Variants in ASTN1 observed in about 807,000 individuals in gnomAD.
ASTN1 encodes the protein astrotactin 1.
ASTN1 carries 41 observed loss-of-function variants against 140.7 expected under a neutral mutation model. That is an observed-to-expected ratio of 0.29 (90% confidence interval 0.23 to 0.38). The LOEUF is 0.38. Among genes scored for constraint, ASTN1 ranks in the 10% least tolerant of loss-of-function variants. The pLI is 1.00. For synonymous variants in ASTN1, 640 were observed against 652.2 expected (o/e 0.98, Z 0.29); for missense variants, 1,479 against 1,678.8 (o/e 0.88, Z 2.08).
chr1:176,943,575 T>C (rs1422849914), intron 14 of ASTN1, among the ~76,000 whole-genome samples: 1 of 152,154 alleles, frequency 6.6e-6, no homozygotes, highest in African/African-American at 2.4e-5. Flanking sequence ...TCTCTCTGCC[T>C]CTGTGACCTG....
chr1:177,154,113 T>G (rs1434877887), intron 1 of ASTN1, among the ~76,000 whole-genome samples: 1 of 152,118 alleles, frequency 6.6e-6, no homozygotes, highest in Non-Finnish European at 1.5e-5. Flanking sequence ...CAAAAGTCCT[T>G]GAGGAAATAT....
chr1:176,866,058 C>T (rs778797655), intron 22 of ASTN1, among the ~76,000 whole-genome samples: 3 of 152,176 alleles, frequency 2.0e-5, no homozygotes, highest in Admixed American at 2.0e-4. Flanking sequence ...TATCACAATT[C>T]CTTCCAGAAA....
chr1:177,127,168 C>A (rs1224580510), intron 1 of ASTN1, among the ~76,000 whole-genome samples: 4 of 151,680 alleles, frequency 2.6e-5, no homozygotes, highest in Admixed American at 2.6e-4. Context: ...AATTATTCTT[C>A]AATTCTCTCA....
At chr1:177,099,298 CAATACATA>C (rs1680192216) in intron 1 of ASTN1, among the ~76,000 whole-genome samples, 1 of 152,020 alleles carries the variant, frequency 6.6e-6, no homozygotes, top group Non-Finnish European at 1.5e-5. Flanking sequence ...ACAAATACAT[CAATACATA>C]ATCTTTTTTA....
intron 8 of ASTN1, among the ~76,000 whole-genome samples, chr1:177,006,443 A>C (rs1029099178): frequency 2.0e-5 from 3 of 152,102 alleles, no homozygotes; most frequent in Admixed American, 6.6e-5. Context: ...CTCCAAAGCC[A>C]GGAAAAATAA....
chr1:177,057,709 T>C (rs1677880879), intron 2 of ASTN1, among the ~76,000 whole-genome samples: 2 of 149,452 alleles, frequency 1.3e-5, no homozygotes, highest in Admixed American at 1.3e-4. Context: ...TCAATATTGA[T>C]CATTAGAGTT....
At chr1:177,002,254 T>C (rs1271249858) in intron 8 of ASTN1, among the ~76,000 whole-genome samples, 1 of 152,096 alleles carries the variant, frequency 6.6e-6, no homozygotes, top group Non-Finnish European at 1.5e-5. Flanking sequence ...CCCCAATTGT[T>C]GAAGTTCATT....
At chr1:176,913,396 C>A (rs1033700572) in intron 16 of ASTN1, among the ~76,000 whole-genome samples, 1 of 152,164 alleles carries the variant, frequency 6.6e-6, no homozygotes, top group Non-Finnish European at 1.5e-5. Flanking sequence ...AGTCAGTGCA[C>A]GTCCATGAAT....
intron 1 of ASTN1, among the ~76,000 whole-genome samples, chr1:177,127,670 G>A (rs917682642): frequency 1.3e-5 from 2 of 152,198 alleles, no homozygotes; most frequent in African/African-American, 4.8e-5. Context: ...CCTGGGTATT[G>A]CCGATACTTG....
chr1:176,958,089 T>C (rs1368576253), intron 10 of ASTN1, among the ~76,000 whole-genome samples: 1 of 152,192 alleles, frequency 6.6e-6, no homozygotes, highest in Non-Finnish European at 1.5e-5. Flanking sequence ...TTATTGCTTG[T>C]CAGTCCTTAG....
intron 16 of ASTN1, among the ~76,000 whole-genome samples, chr1:176,930,559 G>T (rs1039536267): frequency 1.3e-5 from 2 of 152,264 alleles, no homozygotes; most frequent in Admixed American, 1.3e-4. Flanking sequence ...TTTATGAAAA[G>T]AATCTGGACA....
intron 1 of ASTN1, among the ~76,000 whole-genome samples, chr1:177,146,010 G>A (rs1682705962): frequency 6.6e-6 from 1 of 151,884 alleles, no homozygotes; most frequent in Non-Finnish European, 1.5e-5. Flanking sequence ...TTTGAAGCCA[G>A]AACTAAGAAA....
At chr1:177,124,504 C>T (rs1000006158) in intron 1 of ASTN1, among the ~76,000 whole-genome samples, 3 of 152,100 alleles carry the variant, frequency 2.0e-5, no homozygotes, top group South Asian at 2.1e-4. Context: ...AGCTTCATGG[C>T]GCTTTGGCTA....
rs563406419 is a variant in ASTN1 at position 176,862,844 on chromosome 1, C to A, written c.*1440G>T. On this transcript the variant is annotated 3_prime_UTR_variant, in exon 23 of 23. Coordinates refer to ENST00000361833, the MANE Select transcript of ASTN1 (RefSeq NM_004319.3). ...TCACTACTACTATTTAGAAAAAAAA[C>A]CAATATAGCTCAATGACTAGCCTTA... is the stretch of plus-strand genomic sequence containing the variant. 1.8e-4 allele frequency: 180 copies of A among 985,398 alleles called. No individual in the cohort carries two copies. The African/African-American group carries it at 2.5e-3, about 14-fold the overall frequency. The allele number at this position is 985,398 out of a possible 1,614,324, so 61.0% of individuals were successfully genotyped here. A position where few individuals can be genotyped will look rare whatever the true frequency, so the allele number is the denominator to read the frequency against.
chr1:176,900,811 C>T (rs1044326366), intron 16 of ASTN1, among the ~76,000 whole-genome samples: 1 of 152,178 alleles, frequency 6.6e-6, no homozygotes, highest in Admixed American at 6.5e-5. Flanking sequence ...TACTTATTCT[C>T]TCAATGCCTG....
intron 7 of ASTN1, among the ~76,000 whole-genome samples, chr1:177,018,437 G>A (rs147206017): frequency 1.4e-3 from 207 of 152,338 alleles, no homozygotes; most frequent in African/African-American, 4.7e-3. Flanking sequence ...GAGGGCAGCT[G>A]GTTTGAGTCT....
intron 21 of ASTN1, among the ~76,000 whole-genome samples, chr1:176,874,739 T>C (rs1412820656): frequency 2.0e-5 from 3 of 152,192 alleles, no homozygotes; most frequent in African/African-American, 7.2e-5. Flanking sequence ...TTTTTTTCTA[T>C]TTTAAATTAA....
intron 15 of ASTN1, among the ~76,000 whole-genome samples, chr1:176,935,531 T>A (rs548994935): frequency 1.1e-4 from 16 of 152,338 alleles, no homozygotes; most frequent in African/African-American, 3.8e-4. Flanking sequence ...GAAAATGTGC[T>A]ATATCCTCAA....
At position 176,946,080 on chromosome 1, in the gene ASTN1, A is replaced by G; in HGVS notation, c.2095T>C (p.Cys699Arg). The stretch of plus-strand genomic sequence containing the variant: ...GGACAGGTCTCCGTGATGAGTTGGC[A>G]AGAGCGTCCATCCACACCAAGCTTG... ...DYKLGVDGRS[C>R]QLITETCPEG... The change falls in exon 13 of 23, where the codon TGC becomes CGC. Residue 699 changes from cysteine to arginine, a missense_variant. Physicochemically the swap from Cys to Arg is radical, Grantham distance 180 (BLOSUM62 -3). Coordinates refer to ENST00000361833, the MANE Select transcript of ASTN1 (RefSeq NM_004319.3). 1 of 1,613,584 alleles carries G rather than the reference A, an allele frequency of 6.2e-7. No homozygotes were observed. The highest frequency in any genetic ancestry group is 8.5e-7 in the Non-Finnish European group (1 of 1,179,618).
Sources: allele counts gnomAD v4.1 joint callset (sites outside exome capture counted in the v4.1 genomes callset), GRCh38; gene constraint gnomAD v4.1.1; transcripts MANE v1.5; gene names NCBI Gene and HGNC (gene_info 2026-07-23, HGNC 2026-07-21).